ABCD3: variants seen among roughly 807,000 people sequenced by gnomAD.
ABCD3 encodes the protein ATP binding cassette subfamily D member 3.
ABCD3 carries 41 observed loss-of-function variants against 105.5 expected under a neutral mutation model. The observed-to-expected ratio is 0.39, with a 90% CI of 0.30 to 0.50. ABCD3 has a LOEUF of 0.50. Among genes scored for constraint, ABCD3 ranks in the 20% least tolerant of loss-of-function variants. The pLI, the probability that ABCD3 is intolerant of heterozygous loss-of-function variation, is 0.84. For synonymous variants in ABCD3, 258 were observed against 269.0 expected (o/e 0.96, Z 0.40); for missense variants, 622 against 806.3 (o/e 0.77, Z 2.77).
intron 1 of ABCD3, among the ~76,000 whole-genome samples, chr1:94,434,443 G>A (rs985527105): frequency 2.6e-5 from 4 of 151,966 alleles, no homozygotes; most frequent in South Asian, 4.1e-4. Flanking sequence ...TTATTATCAA[G>A]CATTAAGTAC....
intron 2 of ABCD3, among the ~76,000 whole-genome samples, chr1:94,458,956 C>T (rs530846323): frequency 1.4e-5 from 2 of 140,728 alleles, no homozygotes; most frequent in Admixed American, 7.2e-5. Flanking sequence ...TTCCCCTCCC[C>T]GCTTCCCTCC....
At position 94,418,395 on chromosome 1, in the gene ABCD3, C is replaced by A; in HGVS notation, c.-84C>A. On this transcript the variant is annotated 5_prime_UTR_variant, in exon 1 of 23. Transcript: ENST00000370214. ...CCCCGCCCTCTGCTCTCCTCCCAGT[C>A]TCCCCCGCGCTGCGTGCAGTAAGGT... The A allele has an allele frequency of 2.4e-6, 3 of 1,233,954 alleles. No individual in the cohort carries two copies. Among genetic ancestry groups the A allele is most frequent in the South Asian group, 2.6e-5 (2 of 77,690 alleles). 76.4% of individuals were successfully genotyped at this position (1,233,954 alleles called of 1,614,324 possible).
At chr1:94,506,460 A>G (rs1650355399) in intron 20 of ABCD3, 78 bp from the exon 21 acceptor site, 2 of 837,200 alleles carry the variant, frequency 2.4e-6, no homozygotes, top group Non-Finnish European at 4.1e-6. Context: ...ACAAATGCAT[A>G]TTTAACATAA....
intron 14 of ABCD3, 27 bp from the exon 15 acceptor site, chr1:94,489,875 AT>A: frequency 6.2e-7 from 1 of 1,611,604 alleles, no homozygotes; most frequent in Middle Eastern, 1.7e-4. Context: ...ACATAATATG[AT>A]GCTTTAATAC....
intron 1 of ABCD3, chr1:94,455,911 A>C (rs1473314014): frequency 2.2e-5 from 24 of 1,074,926 alleles, no homozygotes; most frequent in Non-Finnish European, 2.5e-5. Context: ...AGTGGTAAGC[A>C]GTGTGGCATT....
At chr1:94,428,093 A>AT (rs1659538793) in intron 1 of ABCD3, among the ~76,000 whole-genome samples, 1 of 140,756 alleles carries the variant, frequency 7.1e-6, no homozygotes, top group Non-Finnish European at 1.5e-5. Flanking sequence ...TTTATTTTTT[A>AT]TTTTTTTGCC....
chr1:94,507,863 T>C (rs1189924893), intron 21 of ABCD3, among the ~76,000 whole-genome samples: 2 of 146,340 alleles, frequency 1.4e-5, no homozygotes, highest in African/African-American at 5.0e-5. Flanking sequence ...GTAAATTTGT[T>C]TGAGTTCATT....
intron 10 of ABCD3, 46 bp from the exon 11 acceptor site, chr1:94,487,496 T>C (rs1557683199): frequency 6.4e-7 from 1 of 1,562,104 alleles, no homozygotes; most frequent in Non-Finnish European, 8.8e-7. Flanking sequence ...AGATTCAGTT[T>C]TTTATACAGA....
chr1:94,463,878 T>C (rs903949352), intron 2 of ABCD3, among the ~76,000 whole-genome samples: 1 of 152,222 alleles, frequency 6.6e-6, no homozygotes, highest in African/African-American at 2.4e-5. Context: ...CTCTCATTCT[T>C]GTTCCCTTTG....
In ABCD3 at chr1:94,480,541, G is replaced by A. The variant is rs749731700; in HGVS notation, c.762G>A (p.Met254Ile). ...GACTTCGAAGACCCATTGGTAAGAT[G>A]ACAATAACTGAGCAAAAGTATGAAG... is the stretch of plus-strand genomic sequence containing the variant. ...LTRLRRPIGKMTITEQKYEGE... is the reference protein window; with the variant it reads ...LTRLRRPIGKITITEQKYEGE... Residue 254 changes from methionine to isoleucine, a missense_variant, in exon 9 of 23, where the codon ATG becomes ATA. Coordinates refer to ENST00000370214, the MANE Select transcript of ABCD3 (RefSeq NM_002858.4). 10 of 1,613,680 alleles carry A rather than the reference G, an allele frequency of 6.2e-6. No individual in the cohort carries two copies. Among genetic ancestry groups the A allele is most frequent in the Non-Finnish European group, 1.7e-6 (2 of 1,179,836 alleles).
At chr1:94,421,817 C>G (rs1350457634) in intron 1 of ABCD3, among the ~76,000 whole-genome samples, 4 of 152,140 alleles carry the variant, frequency 2.6e-5, no homozygotes, top group African/African-American at 9.7e-5. Flanking sequence ...GTGACTGTTA[C>G]AGCATCCTTT....
chr1:94,406,120 T>C, the ABCD3 span, among the ~76,000 whole-genome samples: 1 of 152,030 alleles, frequency 6.6e-6, no homozygotes, highest in East Asian at 1.9e-4. Context: ...GAGGAAGGAA[T>C]TTAACTTTTT....
intron 1 of ABCD3, among the ~76,000 whole-genome samples, chr1:94,448,224 T>G (rs924240213): frequency 3.3e-5 from 5 of 152,184 alleles, no homozygotes; most frequent in Admixed American, 6.5e-5. Context: ...ACTCGGATTG[T>G]TAGATTACAT....
chr1:94,500,117 A>C (rs1650018205), intron 20 of ABCD3, among the ~76,000 whole-genome samples: 1 of 152,212 alleles, frequency 6.6e-6, no homozygotes, highest in Non-Finnish European at 1.5e-5. Context: ...TACTACTTAA[A>C]GTTACTTAGA....
chr1:94,475,143 A>T lies in ABCD3; in HGVS notation c.406A>T (p.Ile136Phe), dbSNP rs753464068. The change falls in exon 6 of 23, where the codon ATC (isoleucine) becomes TTC (phenylalanine). Residue 136 changes from isoleucine (I) to phenylalanine (F), a missense_variant and splice_region_variant. Around this residue, in one of 4 missense-constraint regions of ABCD3, gnomAD observed 245 missense variants for 356.4 expected, o/e 0.69. Coordinates refer to ENST00000370214, the MANE Select transcript of ABCD3 (RefSeq NM_002858.4). ...LLNFIAAMPL[I>F]SLVNNFLKYG... ...AATAATATTTGTTTGTTTGTTTTAG[A>T]TCTCTCTGGTTAATAACTTCTTGAA... 1.3e-6 allele frequency: 2 copies of T among 1,585,286 alleles called. No individual in the cohort carries two copies. The highest frequency in any genetic ancestry group is 2.3e-5 in the South Asian group (2 of 88,122).
At chr1:94,429,852 G>A (rs539953526) in intron 1 of ABCD3, among the ~76,000 whole-genome samples, 1 of 152,238 alleles carries the variant, frequency 6.6e-6, no homozygotes, top group Non-Finnish European at 1.5e-5. Context: ...GCACCACCTA[G>A]TGGAGCCATG....
chr1:94,504,005 T>C (rs1335203974), intron 20 of ABCD3, among the ~76,000 whole-genome samples: 2 of 147,448 alleles, frequency 1.4e-5, no homozygotes, highest in African/African-American at 2.5e-5. Flanking sequence ...CTCCACCTCC[T>C]GGGTTCAAGC....
At chr1:94,481,084 A>T (rs922753009) in intron 9 of ABCD3, among the ~76,000 whole-genome samples, 1 of 152,206 alleles carries the variant, frequency 6.6e-6, no homozygotes, top group African/African-American at 2.4e-5. Context: ...TTCAAAATCT[A>T]CCTCTTCCAC....
chr1:94,442,861 T>A (rs1660183054), intron 1 of ABCD3, among the ~76,000 whole-genome samples: 1 of 152,148 alleles, frequency 6.6e-6, no homozygotes, highest in Non-Finnish European at 1.5e-5. Context: ...TATCCAGTCC[T>A]CCATTGATAG....
Sources: allele counts gnomAD v4.1 joint callset (sites outside exome capture counted in the v4.1 genomes callset), GRCh38; gene constraint gnomAD v4.1.1; regional missense constraint gnomAD v4.1.1; transcripts MANE v1.5; gene names NCBI Gene and HGNC (gene_info 2026-07-23, HGNC 2026-07-21).